Variants in MACROD2 observed in about 807,000 individuals in gnomAD.
MACROD2 encodes mono-ADP ribosylhydrolase 2.
In MACROD2, 36 loss-of-function variants were observed where a neutral mutation model predicts 70.4. That is an observed-to-expected ratio of 0.51 (90% CI 0.39 to 0.68). The LOEUF is 0.68. MACROD2 is among the 30% of genes least tolerant of loss of function. The pLI, the probability that MACROD2 is intolerant of heterozygous loss-of-function variation, is 0.00. For missense variants in MACROD2, 496 were observed against 538.4 expected, an observed-to-expected ratio of 0.92 and a Z score of 0.78; for synonymous variants, 172 against 178.8, an observed-to-expected ratio of 0.96 and a Z score of 0.30.
At chr20:15,792,962 G>A (rs1488688117) in intron 8 of MACROD2, among the ~76,000 whole-genome samples, 2 of 152,138 alleles carry the variant, frequency 1.3e-5, no homozygotes, top group Non-Finnish European at 2.9e-5. Flanking sequence ...CTGCTGAAAG[G>A]CTAAATAATC....
chr20:14,640,965 A>G (rs1273165610), intron 4 of MACROD2, among the ~76,000 whole-genome samples: 2 of 152,138 alleles, frequency 1.3e-5, no homozygotes, highest in African/African-American at 2.4e-5. Context: ...TGACACATGG[A>G]TTGACTCTTC....
At chr20:14,128,120 G>T in intron 3 of MACROD2, 1 of 534,822 alleles carries the variant, frequency 1.9e-6, no homozygotes, top group South Asian at 1.5e-5. Flanking sequence ...CACCAGAGAA[G>T]GTTGAAATCT....
chr20:14,636,885 A>G (rs1984815415), intron 4 of MACROD2, among the ~76,000 whole-genome samples: 1 of 152,172 alleles, frequency 6.6e-6, no homozygotes, highest in Admixed American at 6.5e-5. Flanking sequence ...GCAAAAACTG[A>G]TACTGACGGA....
At chr20:14,425,948 C>G (rs1469891801) in intron 3 of MACROD2, among the ~76,000 whole-genome samples, 2 of 152,078 alleles carry the variant, frequency 1.3e-5, no homozygotes, top group East Asian at 3.8e-4. Context: ...CTACCGAATT[C>G]TAGATTGAAA....
At chr20:14,874,791 A>T (rs528980182) in intron 5 of MACROD2, among the ~76,000 whole-genome samples, 2 of 151,502 alleles carry the variant, frequency 1.3e-5, no homozygotes, top group South Asian at 4.2e-4. Flanking sequence ...TGCAGCCTCC[A>T]CCTCCTGGGT....
At chr20:15,600,961 G>A (rs1469299095) in intron 8 of MACROD2, among the ~76,000 whole-genome samples, 2 of 152,168 alleles carry the variant, frequency 1.3e-5, no homozygotes, top group Non-Finnish European at 2.9e-5. Flanking sequence ...CATTCTAAAT[G>A]TTGTTTCAGA....
intron 5 of MACROD2, among the ~76,000 whole-genome samples, chr20:14,764,909 C>T (rs939019660): frequency 2.6e-5 from 4 of 151,978 alleles, no homozygotes; most frequent in Non-Finnish European, 5.9e-5. Flanking sequence ...AGACAAGGAA[C>T]CCAGGAATTT....
chr20:15,002,787 C>T (rs963277312), intron 5 of MACROD2, among the ~76,000 whole-genome samples: 6 of 152,146 alleles, frequency 3.9e-5, no homozygotes, highest in Non-Finnish European at 7.4e-5. Flanking sequence ...GAATCAGACA[C>T]GCTCCACTCT....
chr20:15,385,639 T>C (rs2045702929), intron 6 of MACROD2, among the ~76,000 whole-genome samples: 1 of 152,166 alleles, frequency 6.6e-6, no homozygotes, highest in Non-Finnish European at 1.5e-5. Context: ...ATTATTAACT[T>C]CTCCCTAGAT....
At chr20:15,299,192 T>A (rs530718914) in intron 6 of MACROD2, among the ~76,000 whole-genome samples, 1 of 152,198 alleles carries the variant, frequency 6.6e-6, no homozygotes, top group East Asian at 1.9e-4. Context: ...TGTAAACTAG[T>A]AAATTTCACC....
chr20:14,854,813 G>A (rs1434451892), intron 5 of MACROD2, among the ~76,000 whole-genome samples: 1 of 151,960 alleles, frequency 6.6e-6, no homozygotes, highest in African/African-American at 2.4e-5. Flanking sequence ...CCAGGAGATC[G>A]AGACCATCCT....
At chr20:14,782,434 AAT>A (rs2072313240) in intron 5 of MACROD2, among the ~76,000 whole-genome samples, 1 of 152,100 alleles carries the variant, frequency 6.6e-6, no homozygotes, top group African/African-American at 2.4e-5. Flanking sequence ...AATTTATGTA[AAT>A]TTTAGATATA....
At position 15,343,234 on chromosome 20, in the gene MACROD2, C is replaced by T. The variant is rs546999359; in HGVS notation, c.541-88171C>T. On this transcript the variant is annotated intron_variant, in intron 6 of 17. Transcript: ENST00000684519. ...TGGCTTGTACGTGCTCTTGTTACAA[C>T]ATTATTTTGACATTTTTTGTGTTCA... is the stretch of plus-strand genomic sequence containing the variant. Among the ~76,000 whole-genome samples, 5 of 152,288 alleles carry T rather than the reference C, an allele frequency of 3.3e-5. No individual in the cohort carries two copies. In the South Asian group the frequency reaches 6.2e-4, roughly 19 times the overall value.
chr20:14,735,080 G>C lies in MACROD2; in HGVS notation c.418+50121G>C, dbSNP rs966345966. Among the ~76,000 whole-genome samples, 4 of 152,086 alleles carry C rather than the reference G, an allele frequency of 2.6e-5. No individual in the cohort carries two copies. The South Asian group carries it at 6.2e-4, about 24-fold the overall frequency. On this transcript the variant is annotated intron_variant, in intron 5 of 17. Transcript: ENST00000684519. ...TCTTCATGACTTAGAGTTGGTGATG[G>C]ATTCTTACATATGACACCAACAAGT...
intron 6 of MACROD2, among the ~76,000 whole-genome samples, chr20:15,325,821 T>C (rs1396780295): frequency 2.0e-5 from 3 of 152,178 alleles, no homozygotes; most frequent in Admixed American, 2.0e-4. Flanking sequence ...GCAGGGTTTG[T>C]ACCAGTCATA....
At position 15,406,220 on chromosome 20, in the gene MACROD2, G is replaced by A. The variant is rs148876114; in HGVS notation, c.541-25185G>A. ...ATTTGAATCACCTGCAATGCAAAGT[G>A]AGGATAGGATGACTAAATGATTACC... On this transcript the variant is annotated intron_variant, in intron 6 of 17. Coordinates refer to ENST00000684519, the MANE Select transcript of MACROD2 (RefSeq NM_001351661.2). Among the ~76,000 whole-genome samples, 600 of 152,334 alleles carry A rather than the reference G, an allele frequency of 3.9e-3. 6 individuals are homozygous for A. Among genetic ancestry groups the A allele is most frequent in the African/African-American group, 0.014 (580 of 41,574 alleles).
chr20:15,052,022 A>T (rs1240152350), intron 5 of MACROD2, among the ~76,000 whole-genome samples: 1 of 152,250 alleles, frequency 6.6e-6, no homozygotes, highest in East Asian at 1.9e-4. Flanking sequence ...AAGTGCTGGG[A>T]TCACAGGTGT....
At chr20:15,775,768 A>T (rs1452264851) in intron 8 of MACROD2, among the ~76,000 whole-genome samples, 1 of 152,174 alleles carries the variant, frequency 6.6e-6, no homozygotes, top group Non-Finnish European at 1.5e-5. Flanking sequence ...AATGAGGCAG[A>T]CAAGACCACC....
intron 5 of MACROD2, among the ~76,000 whole-genome samples, chr20:14,928,941 T>C (rs1568881475): frequency 6.6e-6 from 1 of 152,204 alleles, no homozygotes; most frequent in Non-Finnish European, 1.5e-5. Context: ...ATTTGTTGCT[T>C]ACATTATAAG....
Sources: allele counts gnomAD v4.1 joint callset (sites outside exome capture counted in the v4.1 genomes callset), GRCh38; gene constraint gnomAD v4.1.1; transcripts MANE v1.5; gene names NCBI Gene and HGNC (gene_info 2026-07-23, HGNC 2026-07-21).